The following CMSS1 variants were observed in gnomAD, a reference collection of about 807,000 sequenced individuals.
CMSS1 encodes protein CMSS1.
CMSS1 carries 33 observed loss-of-function variants against 43.5 expected under a neutral mutation model. The ratio of observed to expected loss-of-function variants is 0.76; its 90% CI spans 0.57 to 1.01. The LOEUF is 1.01. Ranked by LOEUF, CMSS1 falls within the 50% of genes least tolerant of loss-of-function variation. The probability of loss-of-function intolerance (pLI) is 0.00; values close to 1 mark genes in which losing one functional copy is unlikely to be tolerated. For synonymous variants in CMSS1, 115 were observed against 117.2 expected (o/e 0.98, Z 0.12); for missense variants, 313 against 326.4 (o/e 0.96, Z 0.32).
chr3:99,883,469 T>G (rs1705795299), intron 1 of CMSS1, among the ~76,000 whole-genome samples: 1 of 152,234 alleles, frequency 6.6e-6, no homozygotes, highest in Non-Finnish European at 1.5e-5. Context: ...CATGATTATT[T>G]CAGCATTATC....
At chr3:99,919,581 G>A (rs893514600) in intron 1 of CMSS1, among the ~76,000 whole-genome samples, 4 of 151,614 alleles carry the variant, frequency 2.6e-5, no homozygotes, top group African/African-American at 9.7e-5. Flanking sequence ...TTTCAAGGAG[G>A]TTTCCAAATC....
intron 1 of CMSS1, among the ~76,000 whole-genome samples, chr3:100,137,602 G>A (rs976481105): frequency 1.4e-5 from 2 of 147,820 alleles, no homozygotes; most frequent in African/African-American, 2.5e-5. Context: ...TCGCTTTGTC[G>A]CCCAGGCTGG....
At chr3:100,058,481 C>A (rs547208536) in intron 1 of CMSS1, among the ~76,000 whole-genome samples, 1 of 152,324 alleles carries the variant, frequency 6.6e-6, no homozygotes, top group East Asian at 1.9e-4. Flanking sequence ...ACAAGCTTCC[C>A]ATTGATGACC....
At chr3:100,081,529 G>A (rs1227327700) in intron 1 of CMSS1, among the ~76,000 whole-genome samples, 1 of 152,096 alleles carries the variant, frequency 6.6e-6, no homozygotes, top group African/African-American at 2.4e-5. Flanking sequence ...GATAGCTCAG[G>A]GATTAACGAC....
chr3:100,141,764 G>T (rs1444572435), intron 1 of CMSS1: 1 of 337,806 alleles, frequency 3.0e-6, no homozygotes, highest in Non-Finnish European at 5.8e-6. Context: ...ATCTGGCAGT[G>T]TCTTTTTTTT....
At chr3:99,914,648 C>CA (rs759357088) in intron 1 of CMSS1, among the ~76,000 whole-genome samples, 4 of 152,242 alleles carry the variant, frequency 2.6e-5, no homozygotes, top group Admixed American at 2.6e-4. Context: ...TTACAGAAGG[C>CA]AGTTTAGCTA....
intron 1 of CMSS1, among the ~76,000 whole-genome samples, chr3:99,865,203 C>T (rs1213820911): frequency 6.6e-6 from 1 of 152,128 alleles, no homozygotes; most frequent in East Asian, 1.9e-4. Context: ...GCAGGTATTA[C>T]CGTCTTCTTA....
chr3:99,911,260 T>C (rs558963550), intron 1 of CMSS1, among the ~76,000 whole-genome samples: 2 of 151,194 alleles, frequency 1.3e-5, no homozygotes, highest in Non-Finnish European at 2.9e-5. Flanking sequence ...GTGAAATCCA[T>C]TTCTCTTGGG....
chr3:99,882,707 C>G (rs963684673), intron 1 of CMSS1, among the ~76,000 whole-genome samples: 1 of 152,062 alleles, frequency 6.6e-6, no homozygotes, highest in Admixed American at 6.5e-5. Context: ...TTTTGGGAAA[C>G]ATGAAAAAAT....
chr3:100,144,043 T>G (rs1197416402), intron 1 of CMSS1, among the ~76,000 whole-genome samples: 3 of 152,344 alleles, frequency 2.0e-5, no homozygotes, highest in Non-Finnish European at 4.4e-5. Context: ...ATTGGTATGT[T>G]TGGGCTATTT....
chr3:100,175,197 T>A (rs1442489806), intron 8 of CMSS1, among the ~76,000 whole-genome samples: 1 of 152,194 alleles, frequency 6.6e-6, no homozygotes, highest in Non-Finnish European at 1.5e-5. Context: ...GCAATGATCA[T>A]TTTTGCAAGT....
intron 1 of CMSS1, among the ~76,000 whole-genome samples, chr3:100,093,793 C>T (rs2066155421): frequency 6.6e-6 from 1 of 152,216 alleles, no homozygotes; most frequent in Non-Finnish European, 1.5e-5. Context: ...TAAATAGAAT[C>T]ATACAACATG....
chr3:99,833,715 C>T (rs1942780852), intron 1 of CMSS1, among the ~76,000 whole-genome samples: 1 of 152,206 alleles, frequency 6.6e-6, no homozygotes, highest in South Asian at 2.1e-4. Flanking sequence ...GGGACTGCAT[C>T]ACACCTTAGC....
intron 1 of CMSS1, among the ~76,000 whole-genome samples, chr3:100,134,638 T>G (rs1336555572): frequency 6.6e-6 from 1 of 152,196 alleles, no homozygotes; most frequent in Non-Finnish European, 1.5e-5. Flanking sequence ...AGGATATATT[T>G]TCTTCCTAGC....
intron 1 of CMSS1, among the ~76,000 whole-genome samples, chr3:99,996,111 T>G (rs1009166629): frequency 6.6e-6 from 1 of 152,234 alleles, no homozygotes; most frequent in Non-Finnish European, 1.5e-5. Context: ...TATGCTCTGC[T>G]TCCCTTACAA....
chr3:100,039,103 C>T (rs2065158698), intron 1 of CMSS1, among the ~76,000 whole-genome samples: 1 of 152,156 alleles, frequency 6.6e-6, no homozygotes, highest in Non-Finnish European at 1.5e-5. Context: ...GGAAATTATG[C>T]TTTCACCAGT....
intron 1 of CMSS1, chr3:99,850,212 C>T: frequency 3.7e-6 from 6 of 1,613,136 alleles, no homozygotes; most frequent in Non-Finnish European, 5.1e-6. Flanking sequence ...TAGTTAAATC[C>T]TCTTTTAGAG....
chr3:100,147,182 C>T, intron 2 of CMSS1, 121 bp downstream of exon 2: 1 of 1,023,152 alleles, frequency 9.8e-7, no homozygotes, highest in Non-Finnish European at 1.3e-6. Context: ...GAGCCTTTTA[C>T]TTTCTTTCCC....
chr3:99,856,854 C>T (rs1238085533), intron 1 of CMSS1, among the ~76,000 whole-genome samples: 1 of 152,164 alleles, frequency 6.6e-6, no homozygotes, highest in African/African-American at 2.4e-5. Flanking sequence ...AGTAATAATG[C>T]ATCATATAAT....
Sources: gnomAD v4.1 joint callset for allele counts (sites outside exome capture counted in the v4.1 genomes callset) on GRCh38, gnomAD v4.1.1 for gene constraint, MANE v1.5 for transcripts, NCBI Gene and HGNC (gene_info 2026-07-23, HGNC 2026-07-21) for gene names.